The following BLM variants were observed in gnomAD, a reference collection of about 807,000 sequenced individuals.
The protein encoded by BLM is recQ-like DNA helicase BLM.
Under a neutral mutation model 135.3 loss-of-function variants are expected in BLM, and 95 were observed. The observed-to-expected ratio is 0.70, with a 90% CI of 0.59 to 0.83. BLM has a LOEUF of 0.83. Ranked by LOEUF, BLM falls within the 40% of genes least tolerant of loss-of-function variation. The pLI is 0.00. For synonymous variants in BLM, 520 were observed against 589.2 expected, an observed-to-expected ratio of 0.88 and a Z score of 1.70; for missense variants, 1,518 against 1,663.9, an observed-to-expected ratio of 0.91 and a Z score of 1.53.
intron 1 of BLM, among the ~76,000 whole-genome samples, chr15:90,744,178 G>A (rs1448721886): frequency 1.3e-5 from 2 of 152,132 alleles, no homozygotes; most frequent in Non-Finnish European, 2.9e-5. Context: ...TCTGCTTAGT[G>A]TCATTAAGAC....
In BLM at chr15:90,751,779, T is replaced by C; in HGVS notation, c.800-8T>C. 6.2e-7 allele frequency: 1 copy of C among 1,606,398 alleles called. No homozygotes were observed. The highest frequency in any genetic ancestry group is 8.5e-7 in the Non-Finnish European group (1 of 1,173,348). On this transcript the variant is annotated splice_region_variant and splice_polypyrimidine_tract_variant and intron_variant, in intron 3 of 21. Transcript: ENST00000355112. ...ACAAATCTATGTTTATCAACTGTTTTACTGTAGATAATAGCGAAAAGAAGA... is the reference window on the plus strand; with the variant it reads ...ACAAATCTATGTTTATCAACTGTTTCACTGTAGATAATAGCGAAAAGAAGA...
Position 90,754,742 on chromosome 15 carries a change from G to A in BLM, c.960-69G>A, listed in dbSNP as rs903255802. 9 of 1,503,510 alleles carry A rather than the reference G, an allele frequency of 6.0e-6. No homozygotes were observed. The Admixed American group carries it at 1.5e-4, about 25-fold the overall frequency. 93.1% of individuals were successfully genotyped at this position (1,503,510 alleles called of 1,614,324 possible). On this transcript the variant is annotated intron_variant, in intron 4 of 21. Coordinates refer to ENST00000355112, the MANE Select transcript of BLM (RefSeq NM_000057.4). ...GATCAGTGGTAGAAAAATATTAAGG[G>A]TTTCAAAATTATACATTTATTGAGT...
At chr15:90,769,022 G>A (rs1455076838) in intron 10 of BLM, 111 bp from the exon 11 acceptor site, 5 of 973,202 alleles carry the variant, frequency 5.1e-6, no homozygotes, top group Middle Eastern at 2.1e-4. Flanking sequence ...CACCGCACCC[G>A]GCCTTATAGA....
At chr15:90,730,256 C>A (rs904720419) in intron 1 of BLM, among the ~76,000 whole-genome samples, 2 of 152,136 alleles carry the variant, frequency 1.3e-5, no homozygotes, top group Non-Finnish European at 2.9e-5. Flanking sequence ...AGTTAACACG[C>A]CTTTTATTTA....
At position 90,815,294 on chromosome 15, in the gene BLM, T is replaced by G. The variant is rs971849986; in HGVS notation, c.*15T>G. Reference sequence around the variant, plus strand: ...CATTCTCATAACAACCGAATCTCAATGTACATAGACCCTCTTTCTTGTTTG... The same window carrying G: ...CATTCTCATAACAACCGAATCTCAAGGTACATAGACCCTCTTTCTTGTTTG... On this transcript the variant is annotated 3_prime_UTR_variant, in exon 22 of 22. Coordinates refer to ENST00000355112, the MANE Select transcript of BLM (RefSeq NM_000057.4). This position sits in a 1 kb window ranked among gnomAD's most constrained non-coding sequence, Gnocchi z 4.6. 1 of 1,611,218 alleles carries G rather than the reference T, an allele frequency of 6.2e-7. No homozygotes were observed. The highest frequency in any genetic ancestry group is 1.6e-4 in the Middle Eastern group (1 of 6,062).
intron 20 of BLM, among the ~76,000 whole-genome samples, chr15:90,810,089 CAG>C (rs1194990931): frequency 7.3e-6 from 1 of 137,162 alleles, no homozygotes; most frequent in East Asian, 2.5e-4. Context: ...TTTTTTTTGA[CAG>C]AGTCTCACTC....
chr15:90,786,857 C>T (rs899327188), intron 14 of BLM, among the ~76,000 whole-genome samples: 3 of 151,958 alleles, frequency 2.0e-5, no homozygotes, highest in African/African-American at 7.3e-5. Context: ...TCATGATCCG[C>T]CCACCTCAGC....
At chr15:90,745,482 T>C (rs961619373) in intron 1 of BLM, among the ~76,000 whole-genome samples, 43 of 152,192 alleles carry the variant, frequency 2.8e-4, no homozygotes, top group African/African-American at 1.0e-3. Context: ...CAATCTCAGC[T>C]CACTGCAATA....
intron 7 of BLM, 29 bp downstream of exon 7, chr15:90,761,284 A>T: frequency 7.0e-7 from 1 of 1,427,584 alleles, no homozygotes; most frequent in South Asian, 1.5e-5. Context: ...GAATGCTTAT[A>T]TGAAAACAAA....
chr15:90,755,754 T>C (rs1269204540), intron 5 of BLM, among the ~76,000 whole-genome samples: 1 of 152,216 alleles, frequency 6.6e-6, no homozygotes, highest in African/African-American at 2.4e-5. Flanking sequence ...GATTTTCTAC[T>C]TTTTAGGATA....
intron 20 of BLM, among the ~76,000 whole-genome samples, chr15:90,809,687 T>A (rs1897363260): frequency 6.6e-6 from 1 of 152,226 alleles, no homozygotes; most frequent in South Asian, 2.1e-4. Context: ...GACTAGTGTT[T>A]AAATGTTTTG....
intron 9 of BLM, among the ~76,000 whole-genome samples, chr15:90,765,661 A>G (rs902600268): frequency 1.3e-5 from 2 of 152,228 alleles, no homozygotes; most frequent in East Asian, 1.9e-4. Context: ...AAATTTTTTT[A>G]ACGAATAGAA....
In BLM at chr15:90,814,538, A is replaced by G. The variant is rs530214072; in HGVS notation, c.4077-564A>G. On this transcript the variant is annotated intron_variant, in intron 21 of 21. Coordinates refer to ENST00000355112, the MANE Select transcript of BLM (RefSeq NM_000057.4). ...CCAGGGAGCTGCTGGACACGGTCCT[A>G]ACAGAAGGCCGCATCTGCAGCCTTC... Among the ~76,000 whole-genome samples the G allele has an allele frequency of 5.4e-4, 82 of 152,254 alleles. 1 individual carries two copies. The South Asian group carries it at 0.017, about 32-fold the overall frequency.
At chr15:90,724,859 G>A (rs937614391) in intron 1 of BLM, among the ~76,000 whole-genome samples, 1 of 152,038 alleles carries the variant, frequency 6.6e-6, no homozygotes, top group Non-Finnish European at 1.5e-5. Context: ...TTAAATAATT[G>A]GCCATTGGTG....
chr15:90,734,931 G>A (rs1185804248), intron 1 of BLM, among the ~76,000 whole-genome samples: 1 of 151,986 alleles, frequency 6.6e-6, no homozygotes, highest in Admixed American at 6.6e-5. Context: ...CTACTTGCAG[G>A]TGATATGGTA....
At chr15:90,745,873 C>T (rs558909862) in intron 1 of BLM, among the ~76,000 whole-genome samples, 210 of 152,184 alleles carry the variant, frequency 1.4e-3, no homozygotes, top group African/African-American at 4.1e-3. Context: ...CTCAGGAGTT[C>T]GAGACCAGCC....
At chr15:90,800,553 A>G (rs1411785562) in intron 17 of BLM, among the ~76,000 whole-genome samples, 1 of 152,150 alleles carries the variant, frequency 6.6e-6, no homozygotes, top group Non-Finnish European at 1.5e-5. Context: ...GGTGGCACAC[A>G]CCAGTAATCC....
intron 17 of BLM, 140 bp from the exon 18 acceptor site, chr15:90,803,381 C>G (rs1278613325): frequency 1.7e-5 from 11 of 654,168 alleles, no homozygotes; most frequent in Non-Finnish European, 2.9e-5. Flanking sequence ...TCTCATTTAA[C>G]AGAAATGAGT....
intron 9 of BLM, 67 bp downstream of exon 9, chr15:90,765,481 CT>C: frequency 1.6e-6 from 2 of 1,238,858 alleles, no homozygotes; most frequent in Non-Finnish European, 2.4e-6. Context: ...TCTGGATAAC[CT>C]TTTTATTAAA....
Sources: allele counts gnomAD v4.1 joint callset (sites outside exome capture counted in the v4.1 genomes callset), GRCh38; gene constraint gnomAD v4.1.1; non-coding constraint Gnocchi (gnomAD v3.1); transcripts MANE v1.5; gene names NCBI Gene and HGNC (gene_info 2026-07-23, HGNC 2026-07-21).